LDLRAD4: variants seen among roughly 807,000 people sequenced by gnomAD.
The protein encoded by LDLRAD4 is low density lipoprotein receptor class A domain containing 4.
In LDLRAD4, 5 loss-of-function variants were observed where a neutral mutation model predicts 17.0. That is an observed-to-expected ratio of 0.29 (90% CI 0.15 to 0.62). The LOEUF (loss-of-function observed/expected upper bound fraction) is 0.62, where lower values mean the gene tolerates loss of function less well. Among genes scored for constraint, LDLRAD4 ranks in the 20% least tolerant of loss-of-function variants. LDLRAD4 has a pLI of 0.84. For missense variants in LDLRAD4, 340 were observed against 424.7 expected, an observed-to-expected ratio of 0.80 and a Z score of 1.75; for synonymous variants, 168 against 171.8, an observed-to-expected ratio of 0.98 and a Z score of 0.17.
rs368103534 is a variant in LDLRAD4 at position 13,633,233 on chromosome 18, G to A, written c.337-10126G>A. ...CAGGATTTTTAATGAGCTCAAAAGG[G>A]AGGAAGTGCATGCTGATTGGTCCAT... On this transcript the variant is annotated intron_variant, in intron 4 of 5. Coordinates refer to ENST00000359446, the Ensembl canonical transcript of LDLRAD4. Among the ~76,000 whole-genome samples the A allele has an allele frequency of 3.3e-5, 5 of 152,254 alleles. No homozygotes were observed. In the South Asian group the frequency reaches 1.0e-3, roughly 32 times the overall value.
At chr18:13,290,931 T>C (rs1054372452) in intron 1 of LDLRAD4, among the ~76,000 whole-genome samples, 31 of 152,260 alleles carry the variant, frequency 2.0e-4, no homozygotes, top group Non-Finnish European at 7.3e-5. Context: ...CGTGGCTTCC[T>C]GAGAGAAAGG....
intron 1 of LDLRAD4, among the ~76,000 whole-genome samples, chr18:13,226,179 G>GTTTTTTTTTTTTTTTTTTTTTT (rs1243883704): frequency 8.7e-5 from 1 of 11,488 alleles, no homozygotes; most frequent in Non-Finnish European, 2.6e-4. Flanking sequence ...GCCATGCCTT[G>GTTTTTTTTTTTTTTTTTTTTTT]CTTTTTTTTT....
At chr18:13,370,355 G>A (rs1234197127) in intron 1 of LDLRAD4, among the ~76,000 whole-genome samples, 3 of 152,206 alleles carry the variant, frequency 2.0e-5, no homozygotes, top group African/African-American at 7.2e-5. Context: ...TCCGGAGGTG[G>A]GGCTTGTGGT....
chr18:13,258,729 G>C (rs1348177875), intron 1 of LDLRAD4, among the ~76,000 whole-genome samples: 1 of 152,116 alleles, frequency 6.6e-6, no homozygotes, highest in Admixed American at 6.5e-5. Flanking sequence ...TCAGTATTTA[G>C]GTCAATGATG....
chr18:13,299,148 G>A (rs531521749), intron 1 of LDLRAD4, among the ~76,000 whole-genome samples: 2 of 152,344 alleles, frequency 1.3e-5, no homozygotes, highest in African/African-American at 2.4e-5. Context: ...CCTGCCAGGG[G>A]CTTGCTTACA....
At position 13,306,249 on chromosome 18, in the gene LDLRAD4, C is replaced by T. The variant is rs571658948; in HGVS notation, c.-383+28061C>T. Among the ~76,000 whole-genome samples the T allele has an allele frequency of 8.5e-5, 13 of 152,334 alleles. No homozygotes were observed. The East Asian group carries it at 1.5e-3, about 18-fold the overall frequency. The stretch of plus-strand genomic sequence containing the variant: ...AATGCAGTTGGGTTTATGAACAGGA[C>T]GGCCCCTGAGCCTTGAAGGAAAAAG... On this transcript the variant is annotated intron_variant, in intron 1 of 5. Coordinates refer to ENST00000359446, the Ensembl canonical transcript of LDLRAD4.
At chr18:13,620,946 G>T (rs936796537) in intron 3 of LDLRAD4, 171 bp from the exon 5 acceptor site, 8 of 906,120 alleles carry the variant, frequency 8.8e-6, no homozygotes, top group African/African-American at 1.6e-5. Context: ...ACTGTGCCGT[G>T]GTGTCTCCTT....
intron 3 of LDLRAD4, chr18:13,471,770 A>C (rs1289682457): frequency 6.6e-6 from 1 of 152,336 alleles, no homozygotes; most frequent in Non-Finnish European, 1.5e-5. Flanking sequence ...TGCCAAGCCA[A>C]ATTCTCCTGT....
At chr18:13,586,656 G>A (rs76808966) in intron 3 of LDLRAD4, among the ~76,000 whole-genome samples, 1,741 of 151,824 alleles carry the variant, frequency 0.011, 34 homozygotes, top group African/African-American at 0.04. Context: ...AGAGGCCAAG[G>A]TAGGCAGATC....
In LDLRAD4 at chr18:13,398,196, C is replaced by T. The variant is rs951673927; in HGVS notation, c.40+10434C>T. On this transcript the variant is annotated intron_variant, in intron 2 of 5. Coordinates refer to ENST00000359446, the Ensembl canonical transcript of LDLRAD4. This position sits in a 1 kb window ranked among gnomAD's most constrained non-coding sequence, Gnocchi z 4.8. ...GGAGAGAGGCAGGAGGCTGAAGCGC[C>T]GAACCCAACGCAAATACTAAGCATT... Among the ~76,000 whole-genome samples the T allele has an allele frequency of 2.1e-4, 32 of 152,168 alleles. No individual in the cohort carries two copies. Among genetic ancestry groups the T allele is most frequent in the African/African-American group, 6.0e-4 (25 of 41,432 alleles).
rs2046524680 is a variant in LDLRAD4, at chr18:13,300,395, G to T, written c.-383+22207G>T. Among the ~76,000 whole-genome samples, 1 of 152,264 alleles carries T rather than the reference G, an allele frequency of 6.6e-6. No homozygotes were observed. Among genetic ancestry groups the T allele is most frequent in the Admixed American group, 6.5e-5 (1 of 15,290 alleles). On this transcript the variant is annotated intron_variant, in intron 1 of 5. Transcript: ENST00000359446. This position sits in a 1 kb window ranked among gnomAD's most constrained non-coding sequence, Gnocchi z 4.2. ...TGCAGGGCCTGGGAACTAGAGGGCA[G>T]GTTCTGTTCTGATGGCCTTTTTTCC...
intron 1 of LDLRAD4, among the ~76,000 whole-genome samples, chr18:13,298,836 G>T (rs2046423312): frequency 6.6e-6 from 1 of 152,190 alleles, no homozygotes; most frequent in African/African-American, 2.4e-5. Context: ...AGACATCCGT[G>T]GGCCTTGCCA....
chr18:13,621,860 G>C lies in LDLRAD4; in HGVS notation c.336+589G>C, dbSNP rs566284319. On this transcript the variant is annotated intron_variant, in intron 4 of 5. Transcript: ENST00000359446. This position sits in a 1 kb window ranked among gnomAD's most constrained non-coding sequence, Gnocchi z 5.5. ...GGTTGTCGGCGGTGGGTTGTGGAGG[G>C]TGGGGTTGTGGAGGGTGGGGTTGTC... 6.6e-6 allele frequency among the ~76,000 whole-genome samples: 1 copy of C among 151,528 alleles called. No individual in the cohort carries two copies. Among genetic ancestry groups the C allele is most frequent in the African/African-American group, 2.4e-5 (1 of 41,286 alleles).
At chr18:13,571,751 C>T (rs1392406855) in intron 3 of LDLRAD4, among the ~76,000 whole-genome samples, 1 of 152,190 alleles carries the variant, frequency 6.6e-6, no homozygotes, top group East Asian at 1.9e-4. Flanking sequence ...ATTCTCCCGC[C>T]TCAGCCTCCC....
At chr18:13,484,758 C>A (rs996938982) in intron 3 of LDLRAD4, among the ~76,000 whole-genome samples, 1 of 152,168 alleles carries the variant, frequency 6.6e-6, no homozygotes, top group African/African-American at 2.4e-5. Context: ...CATATCTGAC[C>A]CAGTGCCAGT....
At chr18:13,497,454 T>C (rs1396514626) in intron 3 of LDLRAD4, among the ~76,000 whole-genome samples, 1 of 151,774 alleles carries the variant, frequency 6.6e-6, no homozygotes, top group African/African-American at 2.4e-5. Flanking sequence ...GCTGGGATTA[T>C]AGGCCTGAGC....
chr18:13,617,296 C>T (rs1461297678), intron 3 of LDLRAD4, among the ~76,000 whole-genome samples: 1 of 152,088 alleles, frequency 6.6e-6, no homozygotes, highest in Non-Finnish European at 1.5e-5. Context: ...CTTATCCTTG[C>T]CTGAATTTTA....
At chr18:13,293,884 T>C (rs2046113045) in intron 1 of LDLRAD4, among the ~76,000 whole-genome samples, 1 of 152,206 alleles carries the variant, frequency 6.6e-6, no homozygotes, top group Non-Finnish European at 1.5e-5. Context: ...AAACGCTTTG[T>C]TCCTGGCACT....
rs2084171047 is a variant in LDLRAD4 at position 13,367,810 on chromosome 18, G to A, written c.-382-19531G>A. ...CTGGGGGCACGTGCTTTCAGGGGAT[G>A]TACTGAGAGAGAGGGGACAGTGGGG... On this transcript the variant is annotated intron_variant, in intron 1 of 5. Coordinates refer to ENST00000359446, the Ensembl canonical transcript of LDLRAD4. This position sits in a 1 kb window ranked among gnomAD's most constrained non-coding sequence, Gnocchi z 4.1. Among the ~76,000 whole-genome samples the A allele has an allele frequency of 6.6e-6, 1 of 151,738 alleles. No individual in the cohort carries two copies. Among genetic ancestry groups the A allele is most frequent in the Non-Finnish European group, 1.5e-5 (1 of 67,922 alleles).
Sources: allele counts gnomAD v4.1 joint callset (sites outside exome capture counted in the v4.1 genomes callset), GRCh38; gene constraint gnomAD v4.1.1; non-coding constraint Gnocchi (gnomAD v3.1); transcripts MANE v1.5; gene names NCBI Gene and HGNC (gene_info 2026-07-23, HGNC 2026-07-21).